The following STAC variants were observed in gnomAD, a reference collection of about 807,000 sequenced individuals.
The protein encoded by STAC is SH3 and cysteine-rich domain-containing protein.
In STAC, 43 loss-of-function variants were observed where a neutral mutation model predicts 48.8. That is an observed-to-expected ratio of 0.88 (90% CI 0.69 to 1.14). The LOEUF (loss-of-function observed/expected upper bound fraction) is 1.14, where lower values mean the gene tolerates loss of function less well. Ranked by LOEUF, STAC falls within the 50% of genes most tolerant of loss-of-function variation. The probability of loss-of-function intolerance (pLI) is 0.00; values close to 1 mark genes in which losing one functional copy is unlikely to be tolerated. For missense variants in STAC, 497 were observed against 504.0 expected (o/e 0.99, Z 0.13); for synonymous variants, 193 against 179.5 (o/e 1.07, Z -0.60).
intron 1 of STAC, among the ~76,000 whole-genome samples, chr3:36,389,976 G>GA (rs11415123): frequency 0.24 from 36,561 of 151,954 alleles, 5,483 homozygotes; most frequent in African/African-American, 0.43. Context: ...ATTTGGGGGG[G>GA]AAGGGAGTGC....
intron 1 of STAC, among the ~76,000 whole-genome samples, chr3:36,404,746 T>C (rs1265272686): frequency 3.5e-5 from 5 of 141,650 alleles, no homozygotes; most frequent in African/African-American, 1.3e-4. Context: ...TATATAAAAA[T>C]TGGTAAATAG....
chr3:36,388,047 G>C (rs966084345), intron 1 of STAC, among the ~76,000 whole-genome samples: 1 of 152,018 alleles, frequency 6.6e-6, no homozygotes, highest in Non-Finnish European at 1.5e-5. Flanking sequence ...GGTATCTCAT[G>C]TTTAGTGATG....
At chr3:36,523,792 G>T (rs1248842269) in intron 8 of STAC, among the ~76,000 whole-genome samples, 2 of 152,220 alleles carry the variant, frequency 1.3e-5, no homozygotes, top group African/African-American at 4.8e-5. Context: ...ATTCCTTTGG[G>T]ACCAATGGCA....
intron 1 of STAC, among the ~76,000 whole-genome samples, chr3:36,392,583 G>A (rs1699775455): frequency 6.6e-6 from 1 of 151,998 alleles, no homozygotes; most frequent in South Asian, 2.1e-4. Flanking sequence ...GCCCAGCCTA[G>A]TCTTGAACTC....
chr3:36,488,084 C>T (rs1369336917), intron 5 of STAC, among the ~76,000 whole-genome samples: 1 of 152,134 alleles, frequency 6.6e-6, no homozygotes, highest in East Asian at 1.9e-4. Context: ...TGTTACTGTT[C>T]TATATTTTAA....
chr3:36,497,577 A>G (rs1476776325), intron 6 of STAC, among the ~76,000 whole-genome samples: 11 of 152,316 alleles, frequency 7.2e-5, no homozygotes, highest in Admixed American at 7.2e-4. Context: ...AGGTTGGATG[A>G]AAGACCCTTT....
chr3:36,451,256 T>TC, intron 2 of STAC, among the ~76,000 whole-genome samples: 1 of 152,210 alleles, frequency 6.6e-6, no homozygotes, highest in South Asian at 2.1e-4. Context: ...CAAAAAACAT[T>TC]CTTTATTCTA....
At chr3:36,428,282 A>G (rs933563324) in intron 1 of STAC, among the ~76,000 whole-genome samples, 1 of 152,210 alleles carries the variant, frequency 6.6e-6, no homozygotes, top group East Asian at 1.9e-4. Flanking sequence ...GACAGACTGA[A>G]TGAAGTTTTT....
At chr3:36,460,582 C>T (rs1055524784) in intron 2 of STAC, among the ~76,000 whole-genome samples, 2 of 152,058 alleles carry the variant, frequency 1.3e-5, no homozygotes, top group Admixed American at 6.6e-5. Context: ...GGGGTGCTGC[C>T]GGCATTAGTG....
intron 4 of STAC, 56 bp from the exon 5 acceptor site, chr3:36,486,078 G>T: frequency 7.3e-7 from 1 of 1,376,798 alleles, no homozygotes; most frequent in Non-Finnish European, 1.0e-6. Flanking sequence ...GTGGTAGGCA[G>T]TTGGCTGGGT....
intron 1 of STAC, among the ~76,000 whole-genome samples, chr3:36,411,797 T>C (rs557307650): frequency 2.0e-3 from 306 of 152,276 alleles, no homozygotes; most frequent in Admixed American, 3.5e-3. Flanking sequence ...TTTGAGGTCT[T>C]AGGAAACCTA....
chr3:36,454,772 GT>G (rs1422245722), intron 2 of STAC, among the ~76,000 whole-genome samples: 4 of 152,020 alleles, frequency 2.6e-5, no homozygotes, highest in African/African-American at 9.7e-5. Context: ...CCTGTAAACT[GT>G]TTATTTTACT....
At chr3:36,428,192 G>C (rs934826600) in intron 1 of STAC, among the ~76,000 whole-genome samples, 3 of 152,146 alleles carry the variant, frequency 2.0e-5, no homozygotes, top group African/African-American at 7.2e-5. Context: ...TAAAATTTGA[G>C]TATGAGTTGC....
At chr3:36,436,147 T>G (rs564000919) in intron 1 of STAC, among the ~76,000 whole-genome samples, 2 of 152,208 alleles carry the variant, frequency 1.3e-5, no homozygotes, top group Non-Finnish European at 2.9e-5. Context: ...GCAGTGCCAC[T>G]TGAATTCCAA....
chr3:36,493,250 A>G, intron 6 of STAC, 21 bp downstream of exon 6: 1 of 1,611,472 alleles, frequency 6.2e-7, no homozygotes, highest in South Asian at 1.1e-5. Flanking sequence ...GAGTTGGCAC[A>G]GCACAAATGT....
chr3:36,418,084 T>G (rs1700360021), intron 1 of STAC, among the ~76,000 whole-genome samples: 1 of 152,256 alleles, frequency 6.6e-6, no homozygotes, highest in African/African-American at 2.4e-5. Context: ...CTAAGTAAAT[T>G]TTTCTATTTT....
intron 1 of STAC, among the ~76,000 whole-genome samples, chr3:36,381,917 A>G (rs1035953202): frequency 1.3e-5 from 2 of 152,010 alleles, no homozygotes; most frequent in Admixed American, 6.6e-5. Flanking sequence ...GACCTGGGGT[A>G]TGTGTGTCAA....
intron 2 of STAC, among the ~76,000 whole-genome samples, chr3:36,449,860 G>C (rs78079099): frequency 6.6e-6 from 1 of 152,224 alleles, no homozygotes; most frequent in Admixed American, 6.5e-5. Flanking sequence ...GACAGGACAA[G>C]AGGAAGTGAG....
intron 8 of STAC, among the ~76,000 whole-genome samples, chr3:36,524,289 T>C (rs1698874846): frequency 2.0e-5 from 3 of 152,054 alleles, no homozygotes; most frequent in African/African-American, 7.2e-5. Flanking sequence ...TCAAGACTAA[T>C]TTTTAACAAA....
Sources: gnomAD v4.1 joint callset for allele counts (sites outside exome capture counted in the v4.1 genomes callset) on GRCh38, gnomAD v4.1.1 for gene constraint, MANE v1.5 for transcripts, NCBI Gene and HGNC (gene_info 2026-07-23, HGNC 2026-07-21) for gene names.